The following VPS37C variants were observed in gnomAD, a reference collection of about 807,000 sequenced individuals.
VPS37C encodes VPS37C subunit of ESCRT-I, also known as vacuolar protein sorting-associated protein 37C.
VPS37C carries 9 observed loss-of-function variants against 16.1 expected under a neutral mutation model. That is an observed-to-expected ratio of 0.56 (90% CI 0.34 to 0.97). The LOEUF is 0.97. Ranked by LOEUF, VPS37C falls within the 50% of genes least tolerant of loss-of-function variation. VPS37C has a pLI of 0.02. For synonymous variants in VPS37C, 207 were observed against 206.4 expected (o/e 1.00, Z -0.02); for missense variants, 479 against 472.7 (o/e 1.01, Z -0.12).
chr11:61,140,165 C>T (rs947933931), intron 1 of VPS37C, among the ~76,000 whole-genome samples: 9 of 152,184 alleles, frequency 5.9e-5, no homozygotes, highest in Non-Finnish European at 1.3e-4. Context: ...TAGGGTGAGC[C>T]AAGGCTGACA....
intron 1 of VPS37C, among the ~76,000 whole-genome samples, chr11:61,149,261 C>T (rs1313961116): frequency 6.6e-6 from 1 of 152,038 alleles, no homozygotes; most frequent in Admixed American, 6.5e-5. Flanking sequence ...ATCCCAGCCT[C>T]GGCGACAGAG....
At chr11:61,150,446 G>A (rs562760840) in intron 1 of VPS37C, among the ~76,000 whole-genome samples, 11 of 151,912 alleles carry the variant, frequency 7.2e-5, no homozygotes, top group South Asian at 2.1e-4. Flanking sequence ...AATGGGTGGC[G>A]GCGGGAGGGG....
Position 61,134,218 on chromosome 11 carries a change from A to G in VPS37C, c.94-11T>C. The G allele has an allele frequency of 6.2e-7, 1 of 1,605,506 alleles. No individual in the cohort carries two copies. Among genetic ancestry groups the G allele is most frequent in the Non-Finnish European group, 8.5e-7 (1 of 1,173,644 alleles). On this transcript the variant is annotated splice_polypyrimidine_tract_variant and intron_variant, in intron 2 of 4. Coordinates refer to ENST00000301765, the MANE Select transcript of VPS37C (RefSeq NM_017966.5). ...CTGTAGGTCCTGGACCTAAAAGGGC[A>G]GGACAACAGAACCTAAGGAAAACGT...
intron 1 of VPS37C, among the ~76,000 whole-genome samples, chr11:61,140,107 C>T (rs1222366352): frequency 6.6e-6 from 1 of 152,128 alleles, no homozygotes; most frequent in Non-Finnish European, 1.5e-5. Flanking sequence ...GATTCCAGCA[C>T]CACAGAAATC....
At chr11:61,152,483 C>T (rs1202192393) in intron 1 of VPS37C, among the ~76,000 whole-genome samples, 2 of 152,122 alleles carry the variant, frequency 1.3e-5, no homozygotes, top group African/African-American at 2.4e-5. Context: ...GCCCTAAGCC[C>T]GCCTTGGCCC....
At chr11:61,135,002 T>C (rs1157298859) in intron 2 of VPS37C, among the ~76,000 whole-genome samples, 1 of 152,200 alleles carries the variant, frequency 6.6e-6, no homozygotes, top group Non-Finnish European at 1.5e-5. Flanking sequence ...GAGTCAGACC[T>C]GCATGCTGAG....
chr11:61,154,106 C>A (rs1853344793), intron 1 of VPS37C, among the ~76,000 whole-genome samples: 1 of 152,128 alleles, frequency 6.6e-6, no homozygotes, highest in South Asian at 2.1e-4. Flanking sequence ...TAACAGTGTC[C>A]TAAAACAATG....
Position 61,132,279 on chromosome 11 carries a change from G to A in VPS37C, c.609C>T (p.Tyr203=). Residue 203 remains tyrosine (Y), a synonymous_variant, in exon 5 of 5, where the codon TAC becomes TAT. Transcript: ENST00000301765. Reference sequence around the variant, plus strand: ...TGGGGGATGGGCTGTAGGGCAAAGGGTAGGGAGGCATGGCTAATGGTGGCT... The same window carrying A: ...TGGGGGATGGGCTGTAGGGCAAAGGATAGGGAGGCATGGCTAATGGTGGCT... ...QPQPPLAMPP[Y]PLPYSPSPSL... 2 of 1,569,516 alleles carry A rather than the reference G, an allele frequency of 1.3e-6. No individual in the cohort carries two copies. Among genetic ancestry groups the A allele is most frequent in the Non-Finnish European group, 8.7e-7 (1 of 1,155,744 alleles).
chr11:61,136,937 A>G (rs1861386455), intron 2 of VPS37C, among the ~76,000 whole-genome samples: 1 of 152,172 alleles, frequency 6.6e-6, no homozygotes, highest in Admixed American at 6.5e-5. Context: ...TGAGTTCAGG[A>G]GGTGGAGGCT....
intron 1 of VPS37C, among the ~76,000 whole-genome samples, chr11:61,148,508 T>C (rs529466567): frequency 6.6e-6 from 1 of 152,110 alleles, no homozygotes; most frequent in South Asian, 2.1e-4. Context: ...CTGGTTTTCT[T>C]TTCCCGGAAT....
In VPS37C at chr11:61,139,726, A is replaced by G. The variant is rs537314231; in HGVS notation, c.-6-891T>C. ...TTCATCTGGTTTGTATCTCTTCCAG[A>G]GGTGCATTCCATAGCTTTTTTTTTT... On this transcript the variant is annotated intron_variant, in intron 1 of 4. Transcript: ENST00000301765. Among the ~76,000 whole-genome samples the G allele has an allele frequency of 1.5e-3, 215 of 145,824 alleles. 1 individual carries two copies. Among genetic ancestry groups the G allele is most frequent in the African/African-American group, 5.3e-3 (209 of 39,752 alleles).
At chr11:61,151,083 C>A (rs1342604825) in intron 1 of VPS37C, among the ~76,000 whole-genome samples, 1 of 152,222 alleles carries the variant, frequency 6.6e-6, no homozygotes, top group South Asian at 2.1e-4. Context: ...AAACGCAGAG[C>A]CTGAACTGCA....
chr11:61,136,869 T>C (rs1212890530), intron 2 of VPS37C, among the ~76,000 whole-genome samples: 2 of 152,138 alleles, frequency 1.3e-5, no homozygotes. Context: ...ATTAGCCAGG[T>C]GTGGTGGTGT....
chr11:61,150,552 G>T (rs202004067), intron 1 of VPS37C, among the ~76,000 whole-genome samples: 1 of 127,946 alleles, frequency 7.8e-6, no homozygotes. Context: ...TTTCAAAGGA[G>T]TTTTGTTTTT....
At chr11:61,141,195 C>A (rs749311305) in intron 1 of VPS37C, among the ~76,000 whole-genome samples, 2 of 152,002 alleles carry the variant, frequency 1.3e-5, no homozygotes. Flanking sequence ...ATGTTGAAAC[C>A]CTGTCTCTAC....
chr11:61,131,879 CG>C lies in VPS37C; in HGVS notation c.1008del (p.Ala339ProfsTer99). 3.7e-6 allele frequency: 3 copies of C among 812,670 alleles called. No individual in the cohort carries two copies. Among genetic ancestry groups the C allele is most frequent in the East Asian group, 6.4e-5 (1 of 15,682 alleles). The allele number at this position is 812,670 out of a possible 1,614,324, so 50.3% of individuals were successfully genotyped here. On this transcript the variant is annotated frameshift_variant, in exon 5 of 5. Transcript: ENST00000301765. LOFTEE classifies it high-confidence loss of function. ...PSVPLQPPYP[P>X]GPAPPYGFPP... is the part of the protein sequence containing the mutation. ...GGGAACCCATAGGGAGGGGCGGGCC[CG>C]GGGGGATAAGGGGGCTGCAGGGGCA...
rs1265427731 is a variant in VPS37C at position 61,132,332 on chromosome 11, T to G, written c.556A>C (p.Thr186Pro). 25 of 1,599,194 alleles carry G rather than the reference T, an allele frequency of 1.6e-5. No homozygotes were observed. The highest frequency in any genetic ancestry group is 2.0e-5 in the Non-Finnish European group (24 of 1,172,022). Residue 186 changes from threonine to proline, a missense_variant, in exon 5 of 5, where the codon ACA becomes CCA. Physicochemically the swap from Thr to Pro is conservative, Grantham distance 38 (BLOSUM62 -1). Transcript: ENST00000301765. ...GGCTGCTCTTCAACCACAGGGGGTG[T>G]TCCCTGGGGGACTGGGCGCACCGGG... Reference protein sequence around the residue: ...PPPVRPVPQGTPPVVEEQPQP... With the variant: ...PPPVRPVPQGPPPVVEEQPQP...
intron 1 of VPS37C, 121 bp from the exon 2 acceptor site, chr11:61,138,956 G>C: frequency 1.1e-6 from 1 of 896,140 alleles, no homozygotes; most frequent in Non-Finnish European, 1.8e-6. Flanking sequence ...CCACTCCACC[G>C]GGAGGCTCGA....
At chr11:61,153,157 T>A (rs998527303) in intron 1 of VPS37C, among the ~76,000 whole-genome samples, 8 of 152,300 alleles carry the variant, frequency 5.3e-5, no homozygotes, top group African/African-American at 1.9e-4. Flanking sequence ...GTAATCCTCA[T>A]AATCCCCACA....
Sources: allele counts gnomAD v4.1 joint callset (sites outside exome capture counted in the v4.1 genomes callset), GRCh38; gene constraint gnomAD v4.1.1; transcripts MANE v1.5; gene names NCBI Gene and HGNC (gene_info 2026-07-23, HGNC 2026-07-21).